The following CPA6 variants were observed in gnomAD, a reference collection of about 807,000 sequenced individuals.
The protein encoded by CPA6 is carboxypeptidase B.
Under a neutral mutation model 63.3 loss-of-function variants are expected in CPA6, and 58 were observed. That is an observed-to-expected ratio of 0.92 (90% CI 0.74 to 1.14). CPA6 has a LOEUF of 1.14. CPA6 is among the 50% of genes most tolerant of loss of function. The pLI is 0.00. For missense variants in CPA6, 565 were observed against 526.6 expected (o/e 1.07, Z -0.71); for synonymous variants, 185 against 179.0 (o/e 1.03, Z -0.27).
chr8:67,494,713 A>G (rs1811673712), intron 6 of CPA6, among the ~76,000 whole-genome samples: 1 of 152,212 alleles, frequency 6.6e-6, no homozygotes, highest in African/African-American at 2.4e-5. Flanking sequence ...GCGATCCTAA[A>G]TATAGCTATT....
chr8:67,443,365 C>G (rs1394914788), intron 8 of CPA6, among the ~76,000 whole-genome samples: 2 of 152,026 alleles, frequency 1.3e-5, no homozygotes, highest in Non-Finnish European at 2.9e-5. Flanking sequence ...CGGGCCCTGT[C>G]CTGCCTATTC....
chr8:67,565,079 C>T (rs567288649), intron 2 of CPA6, among the ~76,000 whole-genome samples: 4 of 151,908 alleles, frequency 2.6e-5, no homozygotes, highest in East Asian at 1.9e-4. Flanking sequence ...CAGCATGACC[C>T]GAAAACAAAT....
chr8:67,464,946 G>C (rs1466972536), intron 8 of CPA6, among the ~76,000 whole-genome samples: 1 of 152,150 alleles, frequency 6.6e-6, no homozygotes, highest in Non-Finnish European at 1.5e-5. Context: ...GTAATGTGAA[G>C]GCTCCAGCTT....
intron 1 of CPA6, among the ~76,000 whole-genome samples, chr8:67,694,711 G>A (rs1816879323): frequency 6.6e-6 from 1 of 152,212 alleles, no homozygotes; most frequent in South Asian, 2.1e-4. Flanking sequence ...CCTGGTTTCA[G>A]ATGATTCTGT....
intron 2 of CPA6, among the ~76,000 whole-genome samples, chr8:67,547,574 T>G (rs1464626331): frequency 2.0e-5 from 3 of 151,748 alleles, no homozygotes; most frequent in Non-Finnish European, 4.4e-5. Context: ...AATGGCTCAC[T>G]GCAGTGACCT....
intron 1 of CPA6, among the ~76,000 whole-genome samples, chr8:67,666,705 T>C (rs114247152): frequency 0.014 from 2,094 of 152,000 alleles, 36 homozygotes; most frequent in African/African-American, 0.044. Context: ...GGTGTGACTG[T>C]GATATAGGCT....
At chr8:67,582,083 T>G (rs961360884) in intron 2 of CPA6, among the ~76,000 whole-genome samples, 6 of 152,114 alleles carry the variant, frequency 3.9e-5, no homozygotes, top group African/African-American at 1.4e-4. Context: ...CAGGGTCTGA[T>G]GAAACCCCTG....
At chr8:67,499,177 A>C (rs1036086979) in intron 6 of CPA6, among the ~76,000 whole-genome samples, 1 of 152,200 alleles carries the variant, frequency 6.6e-6, no homozygotes, top group African/African-American at 2.4e-5. Context: ...TGGAGGCAGA[A>C]GTGGAAGTGG....
intron 1 of CPA6, among the ~76,000 whole-genome samples, chr8:67,644,080 CGCATGGTT>C (rs1275085248): frequency 6.6e-6 from 1 of 151,792 alleles, no homozygotes; most frequent in East Asian, 1.9e-4. Flanking sequence ...CCTTAAAGAC[CGCATGGTT>C]GCCATTCTAA....
At chr8:67,505,697 T>A (rs1327612520) in intron 6 of CPA6, among the ~76,000 whole-genome samples, 3 of 152,194 alleles carry the variant, frequency 2.0e-5, no homozygotes, top group African/African-American at 7.2e-5. Flanking sequence ...ATTTTATTAC[T>A]CAATACTTAC....
At chr8:67,581,922 G>A (rs915581415) in intron 2 of CPA6, among the ~76,000 whole-genome samples, 1 of 152,162 alleles carries the variant, frequency 6.6e-6, no homozygotes, top group Non-Finnish European at 1.5e-5. Context: ...GTTTAATGTG[G>A]GGTGGGGTGT....
intron 1 of CPA6, among the ~76,000 whole-genome samples, chr8:67,658,140 A>G (rs959608276): frequency 1.3e-5 from 2 of 152,156 alleles, no homozygotes; most frequent in Non-Finnish European, 2.9e-5. Flanking sequence ...AAGAATTCCT[A>G]TTCATCTTAT....
In CPA6 at chr8:67,518,047, C is replaced by T; in HGVS notation, c.193G>A (p.Val65Met). The change falls in exon 3 of 11, where the codon GTG (valine) becomes ATG (methionine). Residue 65 changes from valine to methionine, a missense_variant and splice_region_variant. Transcript: ENST00000297770. ...ALKKISYQLKVDLWQPSSISY... is the reference protein window; with the variant it reads ...ALKKISYQLKMDLWQPSSISY... ...ATACTGCTGGGCTGCCACAGGTCCA[C>T]CTGTAGTGCAGGAACCAACCTATAA... The T allele has an allele frequency of 6.3e-7, 1 of 1,590,424 alleles. No homozygotes were observed. Among genetic ancestry groups the T allele is most frequent in the Non-Finnish European group, 8.5e-7 (1 of 1,170,788 alleles).
intron 4 of CPA6, among the ~76,000 whole-genome samples, chr8:67,510,585 G>A (rs1323502775): frequency 1.3e-5 from 2 of 152,168 alleles, no homozygotes; most frequent in East Asian, 3.8e-4. Flanking sequence ...AATATGTGGA[G>A]ATAATTTTGA....
chr8:67,526,037 G>A (rs1156827406), intron 2 of CPA6, among the ~76,000 whole-genome samples: 4 of 152,198 alleles, frequency 2.6e-5, no homozygotes, highest in African/African-American at 7.2e-5. Context: ...CTTCCCCCTC[G>A]CCTCGCTCAT....
chr8:67,544,535 C>T (rs900440198), intron 2 of CPA6, among the ~76,000 whole-genome samples: 3 of 152,114 alleles, frequency 2.0e-5, no homozygotes, highest in African/African-American at 7.2e-5. Flanking sequence ...GCTCATGCAC[C>T]AAAAACAGAT....
intron 2 of CPA6, among the ~76,000 whole-genome samples, chr8:67,541,091 A>G (rs1812694163): frequency 6.6e-6 from 1 of 152,050 alleles, no homozygotes; most frequent in African/African-American, 2.4e-5. Context: ...TGGGTACGAA[A>G]AAAAAAAACT....
At chr8:67,504,013 A>G (rs1488181275) in intron 6 of CPA6, among the ~76,000 whole-genome samples, 2 of 152,058 alleles carry the variant, frequency 1.3e-5, no homozygotes, top group Non-Finnish European at 2.9e-5. Context: ...GTATTATTTA[A>G]TCCTCCCAAT....
chr8:67,487,354 C>T (rs537831656), intron 6 of CPA6, among the ~76,000 whole-genome samples: 26 of 152,252 alleles, frequency 1.7e-4, no homozygotes, highest in African/African-American at 6.3e-4. Context: ...TTTCCAGCTT[C>T]ATCCATGTCC....
Sources: gnomAD v4.1 joint callset for allele counts (sites outside exome capture counted in the v4.1 genomes callset) on GRCh38, gnomAD v4.1.1 for gene constraint, MANE v1.5 for transcripts, NCBI Gene and HGNC (gene_info 2026-07-23, HGNC 2026-07-21) for gene names.